CYSLTR2: variants seen among roughly 807,000 people sequenced by gnomAD.
CYSLTR2 encodes the protein cysteinyl leukotriene receptor 2, also known as G-protein coupled receptor GPCR21.
For missense variants in CYSLTR2, 398 were observed against 411.9 expected (o/e 0.97, Z 0.29); for synonymous variants, 179 against 160.8 (o/e 1.11, Z -0.86).
chr13:48,661,714 AATTT>A (rs1198838375), intron 1 of CYSLTR2, among the ~76,000 whole-genome samples: 1 of 152,206 alleles, frequency 6.6e-6, no homozygotes. Context: ...TATTTATTTT[AATTT>A]ATTTGTCAAA....
chr13:48,680,618 A>G (rs1268410317), intron 1 of CYSLTR2, among the ~76,000 whole-genome samples: 2 of 152,102 alleles, frequency 1.3e-5, no homozygotes, highest in Non-Finnish European at 2.9e-5. Context: ...AGCTGTGCAC[A>G]TGCTCACTCC....
intron 1 of CYSLTR2, among the ~76,000 whole-genome samples, chr13:48,685,267 C>T (rs1953867377): frequency 1.6e-5 from 1 of 62,594 alleles, no homozygotes; most frequent in African/African-American, 3.6e-5. Context: ...TAAACACTCA[C>T]GAGAACTCAC....
At chr13:48,689,917 C>T (rs1566097346) in intron 1 of CYSLTR2, among the ~76,000 whole-genome samples, 1 of 152,008 alleles carries the variant, frequency 6.6e-6, no homozygotes. Flanking sequence ...TGTTTGTGTC[C>T]TCTCTTATTT....
chr13:48,673,433 CTTTTT>C (rs61699943), intron 1 of CYSLTR2, among the ~76,000 whole-genome samples: 1 of 48,276 alleles, frequency 2.1e-5, no homozygotes, highest in Non-Finnish European at 3.7e-5. Context: ...GTAACCCCGG[CTTTTT>C]TTTTTTTTTT....
At chr13:48,671,445 T>G (rs1012764199) in intron 1 of CYSLTR2, among the ~76,000 whole-genome samples, 2 of 152,166 alleles carry the variant, frequency 1.3e-5, no homozygotes, top group Admixed American at 6.6e-5. Context: ...TTTTGACATA[T>G]GTTCCTTCAA....
rs117444776 is a variant in CYSLTR2, at chr13:48,660,462, G to A, written c.-266+6445G>A. On this transcript the variant is annotated intron_variant, in intron 1 of 4. Transcript: ENST00000682523. ...GACTCATACTTTGGGGGCTCCTTGA[G>A]GCACTTTGTGGGTGACCGGGTAGAG... Among the ~76,000 whole-genome samples the A allele has an allele frequency of 4.8e-3, 738 of 152,268 alleles. 3 individuals are homozygous for A. Among genetic ancestry groups the A allele is most frequent in the Middle Eastern group, 0.014 (4 of 294 alleles).
At chr13:48,678,057 C>T (rs1953648603) in intron 1 of CYSLTR2, among the ~76,000 whole-genome samples, 1 of 152,018 alleles carries the variant, frequency 6.6e-6, no homozygotes, top group Non-Finnish European at 1.5e-5. Context: ...ATTGGGGTTT[C>T]ATCCTGAGGG....
intron 4 of CYSLTR2, among the ~76,000 whole-genome samples, chr13:48,700,303 T>C (rs1954305978): frequency 2.0e-5 from 3 of 152,078 alleles, no homozygotes; most frequent in Admixed American, 6.6e-5. Flanking sequence ...CAGCAGCACA[T>C]CAAAAAGCTT....
intron 1 of CYSLTR2, among the ~76,000 whole-genome samples, chr13:48,682,449 C>T (rs1953781580): frequency 6.6e-6 from 1 of 152,116 alleles, no homozygotes; most frequent in Non-Finnish European, 1.5e-5. Flanking sequence ...GACCTGTCTC[C>T]TTAGTTCTAA....
chr13:48,706,978 T>G lies in CYSLTR2; in HGVS notation c.161T>G (p.Leu54Trp), dbSNP rs1431287308. Reference sequence around the variant, plus strand: ...CTGATAATATTTTTCTGGGGAGTCTTGGGAAATGGGTTGTCCATATATGTT... The same window carrying G: ...CTGATAATATTTTTCTGGGGAGTCTGGGGAAATGGGTTGTCCATATATGTT... Reference protein sequence around the residue: ...VYLIIFFWGVLGNGLSIYVFL... With the variant: ...VYLIIFFWGVWGNGLSIYVFL... The change falls in exon 5 of 5, where the codon TTG becomes TGG. Residue 54 changes from leucine to tryptophan, a missense_variant. Physicochemically the swap from Leu to Trp is moderately conservative, Grantham distance 61. Coordinates refer to ENST00000682523, the MANE Select transcript of CYSLTR2 (RefSeq NM_001308476.3). 1 of 1,614,114 alleles carries G rather than the reference T, an allele frequency of 6.2e-7. No homozygotes were observed. The highest frequency in any genetic ancestry group is 8.5e-7 in the Non-Finnish European group (1 of 1,180,050).
In CYSLTR2 at chr13:48,710,139, T is replaced by G. The variant is rs1487330334; in HGVS notation, c.*2281T>G. 2 of 152,248 alleles carry G rather than the reference T, an allele frequency of 1.3e-5. No homozygotes were observed. Among genetic ancestry groups the G allele is most frequent in the Admixed American group, 1.3e-4 (2 of 15,272 alleles). 9.4% of individuals were successfully genotyped at this position (152,248 alleles called of 1,614,324 possible). ...ATTTACATAGAGGATAATGTGAATATAATAGTCTCCCATTATCTGTGGTTT... is the reference window on the plus strand; with the variant it reads ...ATTTACATAGAGGATAATGTGAATAGAATAGTCTCCCATTATCTGTGGTTT... On this transcript the variant is annotated 3_prime_UTR_variant, in exon 5 of 5. Coordinates refer to ENST00000682523, the MANE Select transcript of CYSLTR2 (RefSeq NM_001308476.3).
At chr13:48,677,417 T>C (rs912675103) in intron 1 of CYSLTR2, among the ~76,000 whole-genome samples, 3 of 152,036 alleles carry the variant, frequency 2.0e-5, no homozygotes, top group South Asian at 2.1e-4. Flanking sequence ...AGAATTTCAG[T>C]TGGTCACAGA....
At chr13:48,704,456 A>AT (rs1374053029) in intron 4 of CYSLTR2, among the ~76,000 whole-genome samples, 3 of 147,188 alleles carry the variant, frequency 2.0e-5, no homozygotes, top group African/African-American at 7.5e-5. Flanking sequence ...TTTTTTCTCT[A>AT]TTTTTTTCTG....
intron 1 of CYSLTR2, among the ~76,000 whole-genome samples, chr13:48,688,646 C>G (rs1385493718): frequency 6.6e-6 from 1 of 152,184 alleles, no homozygotes; most frequent in Non-Finnish European, 1.5e-5. Flanking sequence ...TTTTCTTTAT[C>G]TAGTCTATCA....
intron 4 of CYSLTR2, among the ~76,000 whole-genome samples, chr13:48,698,377 A>G (rs866965005): frequency 1.3e-5 from 2 of 152,204 alleles, no homozygotes; most frequent in Non-Finnish European, 2.9e-5. Flanking sequence ...CAACATTCTT[A>G]AAGAAAAGAA....
intron 1 of CYSLTR2, among the ~76,000 whole-genome samples, chr13:48,681,981 A>G (rs1178690909): frequency 1.3e-5 from 2 of 152,182 alleles, no homozygotes; most frequent in African/African-American, 4.8e-5. Context: ...TAGGTTCTAT[A>G]TGGCCATGTG....
At chr13:48,687,561 CATCT>C (rs1267468884) in intron 1 of CYSLTR2, among the ~76,000 whole-genome samples, 1 of 152,114 alleles carries the variant, frequency 6.6e-6, no homozygotes, top group Non-Finnish European at 1.5e-5. Context: ...AATTATCTAT[CATCT>C]ATCTATCATC....
At chr13:48,700,656 G>T (rs181055109) in intron 4 of CYSLTR2, among the ~76,000 whole-genome samples, 2 of 152,184 alleles carry the variant, frequency 1.3e-5, no homozygotes, top group Non-Finnish European at 2.9e-5. Flanking sequence ...AGTGTTGGAC[G>T]TTCTGGCCAG....
At chr13:48,705,427 AG>A (rs1250709580) in intron 4 of CYSLTR2, among the ~76,000 whole-genome samples, 1 of 151,924 alleles carries the variant, frequency 6.6e-6, no homozygotes, top group Non-Finnish European at 1.5e-5. Flanking sequence ...TTGATGAATG[AG>A]GGATGTCTGC....
Sources: gnomAD v4.1 joint callset for allele counts (sites outside exome capture counted in the v4.1 genomes callset) on GRCh38, gnomAD v4.1.1 for gene constraint, MANE v1.5 for transcripts, NCBI Gene and HGNC (gene_info 2026-07-23, HGNC 2026-07-21) for gene names.